Variants in EDN1 observed in about 807,000 individuals in gnomAD.
The protein encoded by EDN1 is endothelin-1.
Under a neutral mutation model 21.7 loss-of-function variants are expected in EDN1, and 11 were observed. The ratio of observed to expected loss-of-function variants is 0.51; its 90% CI spans 0.32 to 0.84. The LOEUF is 0.84. Among genes scored for constraint, EDN1 ranks in the 40% least tolerant of loss-of-function variants. EDN1 has a pLI of 0.03. For synonymous variants in EDN1, 85 were observed against 90.6 expected (o/e 0.94, Z 0.35); for missense variants, 244 against 262.3 (o/e 0.93, Z 0.48).
At chr6:12,267,784 A>G in the EDN1 span, among the ~76,000 whole-genome samples, 1 of 152,210 alleles carries the variant, frequency 6.6e-6, no homozygotes, top group African/African-American at 2.4e-5. Flanking sequence ...GCTATCTAGG[A>G]CTTTCATACT....
the EDN1 span, among the ~76,000 whole-genome samples, chr6:12,237,534 G>T: frequency 6.6e-6 from 1 of 152,104 alleles, no homozygotes; most frequent in East Asian, 1.9e-4. Flanking sequence ...ATTTGTGAGG[G>T]ACATCAGTAA....
At chr6:12,287,712 T>TCACACACACACACACACA (rs66467626), upstream of EDN1, among the ~76,000 whole-genome samples, 1 of 103,050 alleles carries the variant, frequency 9.7e-6, no homozygotes, top group Non-Finnish European at 1.9e-5. Context: ...TCTCTCTCTC[T>TCACACACACACACACACA]CACACACACA....
At chr6:12,269,583 G>A in the EDN1 span, among the ~76,000 whole-genome samples, 2 of 151,940 alleles carry the variant, frequency 1.3e-5, no homozygotes, top group Admixed American at 6.6e-5. Flanking sequence ...TGATTATATG[G>A]TTTTTGTCCT....
intron 2 of EDN1, among the ~76,000 whole-genome samples, chr6:12,292,943 C>G (rs2000990): frequency 6.6e-6 from 1 of 152,186 alleles, no homozygotes; most frequent in Non-Finnish European, 1.5e-5. Context: ...CTTAATTTTA[C>G]TTACAGAAAA....
chr6:12,268,285 T>C, the EDN1 span, among the ~76,000 whole-genome samples: 3 of 152,190 alleles, frequency 2.0e-5, no homozygotes, highest in East Asian at 3.8e-4. Context: ...GCAAAGTGAA[T>C]GGAAAGCCTT....
chr6:12,238,449 T>A, the EDN1 span, among the ~76,000 whole-genome samples: 1 of 152,228 alleles, frequency 6.6e-6, no homozygotes, highest in East Asian at 1.9e-4. Context: ...TTAGGCACCA[T>A]AGGACAGGAA....
chr6:12,276,161 CAAAAAAAAAAAAA>C, the EDN1 span, among the ~76,000 whole-genome samples: 30 of 68,620 alleles, frequency 4.4e-4, no homozygotes, highest in South Asian at 2.7e-3. Context: ...GACTCCATCT[CAAAAAAAAAAAAA>C]AAAAAAAAAA....
chr6:12,260,597 A>C, the EDN1 span, among the ~76,000 whole-genome samples: 1 of 152,162 alleles, frequency 6.6e-6, no homozygotes, highest in Non-Finnish European at 1.5e-5. Context: ...TATCACTTTC[A>C]AATCACTGAT....
the EDN1 span, among the ~76,000 whole-genome samples, chr6:12,234,018 G>A: frequency 5.3e-5 from 8 of 152,190 alleles, 1 homozygote; most frequent in Admixed American, 5.2e-4. Context: ...TGCTCCTTGT[G>A]TGGCTCACAC....
At chr6:12,256,946 T>C in the EDN1 span, among the ~76,000 whole-genome samples, 2 of 152,206 alleles carry the variant, frequency 1.3e-5, no homozygotes. Flanking sequence ...AAAGGCAGAA[T>C]AGCACATTAT....
the EDN1 span, among the ~76,000 whole-genome samples, chr6:12,243,075 T>G: frequency 2.0e-5 from 3 of 152,208 alleles, no homozygotes; most frequent in Non-Finnish European, 4.4e-5. Flanking sequence ...TAACCCGCTG[T>G]TGACCAGAAA....
At chr6:12,267,349 G>A in the EDN1 span, among the ~76,000 whole-genome samples, 1 of 152,178 alleles carries the variant, frequency 6.6e-6, no homozygotes, top group Non-Finnish European at 1.5e-5. Context: ...GGATCAAGGA[G>A]TAATTTTGAC....
the EDN1 span, among the ~76,000 whole-genome samples, chr6:12,247,541 T>TTTTTTTTTTTTTTTTTTTC: frequency 7.9e-6 from 1 of 126,740 alleles, no homozygotes; most frequent in Non-Finnish European, 1.6e-5. Context: ...TCTTTCTTTT[T>TTTTTTTTTTTTTTTTTTTC]TTTTTTTTTT....
upstream of EDN1, among the ~76,000 whole-genome samples, chr6:12,287,698 T>TCTCC (rs1762577636): frequency 1.3e-5 from 1 of 74,304 alleles, no homozygotes; most frequent in Non-Finnish European, 3.0e-5. Context: ...CCTCTCTCTC[T>TCTCC]CTCTCTCTCT....
At chr6:12,235,256 C>T in the EDN1 span, among the ~76,000 whole-genome samples, 1 of 152,174 alleles carries the variant, frequency 6.6e-6, no homozygotes, top group Non-Finnish European at 1.5e-5. Flanking sequence ...GCAGGAACCT[C>T]AGCTTTCTCC....
chr6:12,295,178 A>G (rs971128713), intron 4 of EDN1, among the ~76,000 whole-genome samples: 3 of 152,276 alleles, frequency 2.0e-5, no homozygotes, highest in Non-Finnish European at 4.4e-5. Flanking sequence ...ATCATGGTCT[A>G]TGGAAACTTC....
chr6:12,295,645 A>G (rs546648974), intron 4 of EDN1, among the ~76,000 whole-genome samples: 2 of 152,278 alleles, frequency 1.3e-5, no homozygotes, highest in South Asian at 4.1e-4. Flanking sequence ...GCAGGGTCAC[A>G]TAGTGATGAA....
chr6:12,292,070 G>A (rs1027852507), intron 1 of EDN1, among the ~76,000 whole-genome samples: 1 of 152,198 alleles, frequency 6.6e-6, no homozygotes, highest in African/African-American at 2.4e-5. Context: ...AGAGGGGTGG[G>A]GGAAGTCCCT....
chr6:12,276,632 G>A, the EDN1 span, among the ~76,000 whole-genome samples: 9 of 152,184 alleles, frequency 5.9e-5, no homozygotes, highest in Non-Finnish European at 1.3e-4. Context: ...GTACGTTGGA[G>A]GGGTTTAGGG....
Sources: gnomAD v4.1 joint callset for allele counts (sites outside exome capture counted in the v4.1 genomes callset) on GRCh38, gnomAD v4.1.1 for gene constraint, MANE v1.5 for transcripts, NCBI Gene and HGNC (gene_info 2026-07-23, HGNC 2026-07-21) for gene names.